Variants in ACAT1 observed in about 807,000 individuals in gnomAD.
ACAT1 encodes the protein acetyl-CoA acetyltransferase, mitochondrial.
ACAT1 carries 28 observed loss-of-function variants against 47.3 expected under a neutral mutation model. That is an observed-to-expected ratio of 0.59 (90% CI 0.44 to 0.81). ACAT1 has a LOEUF of 0.81. Ranked by LOEUF, ACAT1 falls within the 30% of genes least tolerant of loss-of-function variation. The probability of loss-of-function intolerance (pLI) is 0.00; values close to 1 mark genes in which losing one functional copy is unlikely to be tolerated. For synonymous variants in ACAT1, 181 were observed against 173.6 expected, an observed-to-expected ratio of 1.04 and a Z score of -0.34; for missense variants, 469 against 524.3, an observed-to-expected ratio of 0.89 and a Z score of 1.03.
intron 1 of ACAT1, among the ~76,000 whole-genome samples, chr11:108,127,285 G>T (rs189032303): frequency 0.01 from 1,463 of 142,804 alleles, 32 homozygotes; most frequent in African/African-American, 0.037. Context: ...TTTTTTTTGA[G>T]ACAGAGTCTC....
intron 9 of ACAT1, chr11:108,143,762 T>TAG (rs2077639512): frequency 2.4e-6 from 1 of 417,918 alleles, no homozygotes; most frequent in Non-Finnish European, 4.4e-6. Context: ...CCAATGTTCC[T>TAG]AGAGGCAAAT....
At chr11:108,126,085 T>G (rs576913723) in intron 1 of ACAT1, among the ~76,000 whole-genome samples, 1 of 152,204 alleles carries the variant, frequency 6.6e-6, no homozygotes, top group Admixed American at 6.5e-5. Context: ...TCACTGAAAC[T>G]TCTGCCTCCT....
chr11:108,125,970 C>A (rs1267155045), intron 1 of ACAT1, among the ~76,000 whole-genome samples: 1 of 151,558 alleles, frequency 6.6e-6, no homozygotes, highest in Non-Finnish European at 1.5e-5. Flanking sequence ...AATGAGCCAG[C>A]CATGGAGAGC....
At chr11:108,146,146 CAGT>C (rs1358765049) in intron 10 of ACAT1, 53 bp from the exon 11 acceptor site, 1 of 1,377,018 alleles carries the variant, frequency 7.3e-7, no homozygotes, top group East Asian at 2.3e-5. Flanking sequence ...GAAATGATGA[CAGT>C]AAGTTGTGAT....
chr11:108,126,790 TC>T (rs371735646), intron 1 of ACAT1, among the ~76,000 whole-genome samples: 12 of 135,750 alleles, frequency 8.8e-5, no homozygotes, highest in African/African-American at 3.0e-4. Flanking sequence ...AAACAGGTTT[TC>T]TTTTTTTTTT....
intron 11 of ACAT1, among the ~76,000 whole-genome samples, chr11:108,147,058 G>A (rs914738368): frequency 6.6e-6 from 1 of 152,120 alleles, no homozygotes; most frequent in Non-Finnish European, 1.5e-5. Flanking sequence ...CCAGCCTGGC[G>A]ACAGAGCGAG....
In ACAT1 at chr11:108,143,963, C is replaced by CA. The variant is rs1565295874; in HGVS notation, c.941-20_941-19insA. The CA allele has an allele frequency of 8.2e-7, 1 of 1,216,682 alleles. No individual in the cohort carries two copies. The allele number at this position is 1,216,682 out of a possible 1,614,324, so 75.4% of individuals were successfully genotyped here. On this transcript the variant is annotated intron_variant, in intron 9 of 11. Coordinates refer to ENST00000265838, the MANE Select transcript of ACAT1 (RefSeq NM_000019.4). ...AAAAAAAAAGATTTTAACAACCCCC[C>CA]CCCCCCTTTTTTTAAACAGCATTTG...
At chr11:108,134,025 C>A in intron 3 of ACAT1, 88 bp downstream of exon 3, 2 of 1,302,238 alleles carry the variant, frequency 1.5e-6, no homozygotes, top group Non-Finnish European at 2.2e-6. Context: ...GTATGTAACA[C>A]TTAGAAATAA....
upstream of ACAT1, among the ~76,000 whole-genome samples, chr11:108,118,227 C>G (rs1290207269): frequency 6.6e-6 from 1 of 152,030 alleles, no homozygotes; most frequent in Non-Finnish European, 1.5e-5. Context: ...CCAGCCTGGG[C>G]AACATAGTGA....
At position 108,138,274 on chromosome 11, in the gene ACAT1, C is replaced by T. The variant is rs146872538; in HGVS notation, c.436-624C>T. On this transcript the variant is annotated intron_variant, in intron 5 of 11. Transcript: ENST00000265838. ...TGCTGGGATTACAGGGGTGAGCCAC[C>T]GTGCCCAGCCAGATTTCTGGTATTC... Among the ~76,000 whole-genome samples, 969 of 150,332 alleles carry T rather than the reference C, an allele frequency of 6.4e-3. 11 individuals carry two copies. The highest frequency in any genetic ancestry group is 0.021 in the African/African-American group (862 of 40,836).
At chr11:108,140,925 T>C (rs1179021463) in intron 7 of ACAT1, among the ~76,000 whole-genome samples, 1 of 151,986 alleles carries the variant, frequency 6.6e-6, no homozygotes, top group African/African-American at 2.4e-5. Flanking sequence ...CATGGAGGTG[T>C]AGAAGATTTA....
At position 108,147,287 on chromosome 11, in the gene ACAT1, T is replaced by C. The variant is rs771006357; in HGVS notation, c.1181T>C (p.Ile394Thr). The change falls in exon 12 of 12, where the codon ATT (isoleucine) becomes ACT (threonine). Residue 394 changes from isoleucine (I) to threonine (T), a missense_variant. By Grantham distance (89) the Ile-to-Thr change is moderately conservative. Coordinates refer to ENST00000265838, the MANE Select transcript of ACAT1 (RefSeq NM_000019.4). ...GHPIGMSGARIVGHLTHALKQ... is the reference protein window; with the variant it reads ...GHPIGMSGARTVGHLTHALKQ... The stretch of plus-strand genomic sequence containing the variant: ...AATTTTAGGATGTCTGGAGCCAGGA[T>C]TGTTGGTCATTTGACTCATGCCTTG... The C allele has an allele frequency of 2.5e-6, 4 of 1,613,764 alleles. No homozygotes were observed. Among genetic ancestry groups the C allele is most frequent in the African/African-American group, 1.3e-5 (1 of 74,914 alleles).
At chr11:108,146,868 T>A (rs541106575) in intron 11 of ACAT1, among the ~76,000 whole-genome samples, 1 of 152,192 alleles carries the variant, frequency 6.6e-6, no homozygotes, top group South Asian at 2.1e-4. Flanking sequence ...GATCACGAGG[T>A]CAAGAGATAG....
At chr11:108,128,645 G>T (rs2077295889) in intron 1 of ACAT1, 1 of 152,134 alleles carries the variant, frequency 6.6e-6, no homozygotes, top group Non-Finnish European at 1.5e-5. Flanking sequence ...TTTTTTAGGT[G>T]GGGGGAATCA....
At chr11:108,132,987 C>T (rs187001526) in intron 2 of ACAT1, among the ~76,000 whole-genome samples, 1 of 151,670 alleles carries the variant, frequency 6.6e-6, no homozygotes, top group East Asian at 1.9e-4. Context: ...GAGTTCAAGA[C>T]CAGCCTGGCC....
intron 6 of ACAT1, among the ~76,000 whole-genome samples, chr11:108,139,374 T>A: frequency 6.6e-6 from 1 of 152,104 alleles, no homozygotes; most frequent in South Asian, 2.1e-4. Flanking sequence ...GTGGATCACC[T>A]GGGGTCAGGA....
chr11:108,124,488 C>T (rs1441015648), intron 1 of ACAT1, among the ~76,000 whole-genome samples: 6 of 152,140 alleles, frequency 3.9e-5, no homozygotes. Context: ...GGCTCGAACT[C>T]CTGACCAGCT....
intron 4 of ACAT1, 135 bp downstream of exon 4, chr11:108,134,451 T>A (rs978104842): frequency 7.7e-5 from 48 of 623,450 alleles, no homozygotes; most frequent in Non-Finnish European, 7.3e-5. Context: ...GAGACCATCC[T>A]GGCCAACATG....
chr11:108,133,724 C>A, intron 2 of ACAT1, 96 bp from the exon 3 acceptor site: 2 of 1,006,440 alleles, frequency 2.0e-6, no homozygotes, highest in Non-Finnish European at 3.1e-6. Flanking sequence ...ATGACTCATT[C>A]ATAGAAGTGT....
Sources: allele counts gnomAD v4.1 joint callset (sites outside exome capture counted in the v4.1 genomes callset), GRCh38; gene constraint gnomAD v4.1.1; transcripts MANE v1.5; gene names NCBI Gene and HGNC (gene_info 2026-07-23, HGNC 2026-07-21).